Variants in FCRLB observed in about 807,000 individuals in gnomAD.
FCRLB encodes Fc receptor-like B.
A neutral mutation model predicts 33.6 loss-of-function variants in FCRLB; 34 were observed. The ratio of observed to expected loss-of-function variants is 1.01; its 90% CI spans 0.77 to 1.35. FCRLB has a LOEUF of 1.35. FCRLB is among the 40% of genes most tolerant of loss of function. The pLI, the probability that FCRLB is intolerant of heterozygous loss-of-function variation, is 0.00. For missense variants in FCRLB, 560 were observed against 580.2 expected (o/e 0.97, Z 0.36); for synonymous variants, 280 against 255.9 (o/e 1.09, Z -0.90).
chr1:161,726,920 G>C lies in FCRLB; in HGVS notation c.792G>C (p.Ser264=), dbSNP rs752038802. 1.3e-6 allele frequency: 2 copies of C among 1,575,094 alleles called. No homozygotes were observed. The highest frequency in any genetic ancestry group is 1.4e-5 in the African/African-American group (1 of 73,452). ...AGCCCGAGGTCGAGGAGCTCGAATCGTACTGGTGCGAGGCGGCTACCGCCA... is the reference window on the plus strand; with the variant it reads ...AGCCCGAGGTCGAGGAGCTCGAATCCTACTGGTGCGAGGCGGCTACCGCCA... The change falls in exon 7 of 8, where the codon TCG becomes TCC. Residue 264 remains serine, a synonymous_variant. Transcript: ENST00000367948. The surrounding 1 kb of genome is among the most constrained non-coding windows in gnomAD (Gnocchi z 5.2).
chr1:161,722,860 G>A (rs1472250941), intron 3 of FCRLB, 129 bp from the exon 4 acceptor site: 3 of 1,494,308 alleles, frequency 2.0e-6, no homozygotes, highest in African/African-American at 2.8e-5. Flanking sequence ...CTCAGAGCTT[G>A]GGAAACCAGG....
At chr1:161,723,671 A>G (rs1683449647) in intron 5 of FCRLB, 50 bp downstream of exon 5, 1 of 1,584,290 alleles carries the variant, frequency 6.3e-7, no homozygotes. Flanking sequence ...TCCTCTGGCA[A>G]TACTAGTCCT....
chr1:161,727,349 G>C (rs750635850), exon 8 of FCRLB: 21 of 1,613,652 alleles, frequency 1.3e-5, no homozygotes, highest in African/African-American at 4.0e-5. Flanking sequence ...CCGGTGTCCA[G>C]ATCGGTCCCG....
chr1:161,727,349 G>A (rs750635850), exon 8 of FCRLB: 3 of 1,613,770 alleles, frequency 1.9e-6, no homozygotes, highest in Non-Finnish European at 2.5e-6. Flanking sequence ...CCGGTGTCCA[G>A]ATCGGTCCCG....
chr1:161,722,904 C>T, intron 3 of FCRLB, 85 bp from the exon 4 acceptor site: 1 of 1,586,934 alleles, frequency 6.3e-7, no homozygotes, highest in Non-Finnish European at 8.6e-7. Flanking sequence ...TGGGACCATT[C>T]AGCCTTTCTT....
intron 4 of FCRLB, 23 bp from the exon 5 acceptor site, chr1:161,723,342 CCT>C (rs759613888): frequency 3.7e-6 from 6 of 1,610,098 alleles, no homozygotes; most frequent in Admixed American, 1.7e-5. Context: ...CATGCTGCCC[CCT>C]CTCACCCCAC....
At chr1:161,727,208 C>A (rs1875763) in intron 7 of FCRLB, 39 bp from the exon 8 acceptor site, 1 of 1,538,876 alleles carries the variant, frequency 6.5e-7, no homozygotes, top group Non-Finnish European at 8.8e-7. Context: ...CGAGAAGAAC[C>A]ATGCAAGCCG....
exon 5 of FCRLB, chr1:161,723,373 T>G (rs1377259631): frequency 1.2e-6 from 2 of 1,613,948 alleles, no homozygotes; most frequent in East Asian, 4.5e-5. Context: ...CCAGCTACTC[T>G]GGAGAAGCCC....
In FCRLB at chr1:161,727,160, C is replaced by G. The variant is rs1178512045; in HGVS notation, c.866-87C>G. 1.2e-5 allele frequency: 17 copies of G among 1,411,278 alleles called. No individual in the cohort carries two copies. The South Asian group carries it at 2.3e-4, about 19-fold the overall frequency. The allele number at this position is 1,411,278 out of a possible 1,614,324, so 87.4% of individuals were successfully genotyped here. A position where few individuals can be genotyped will look rare whatever the true frequency, so the allele number is the denominator to read the frequency against. On this transcript the variant is annotated intron_variant, in intron 7 of 7. Coordinates refer to ENST00000367948, the Ensembl canonical transcript of FCRLB. ...CACCCCTCTTCCGGCCTTCCCCATC[C>G]CCGCCCACCGCCCTACGCCCCTCCC...
chr1:161,723,723 A>T (rs1211311518), intron 5 of FCRLB, 102 bp downstream of exon 5: 4 of 1,505,162 alleles, frequency 2.7e-6, no homozygotes, highest in Non-Finnish European at 3.6e-6. Flanking sequence ...GGTGCAGGAA[A>T]CAAGGGCCAC....
chr1:161,727,225 A>G, intron 7 of FCRLB, 22 bp from the exon 8 acceptor site: 5 of 1,551,538 alleles, frequency 3.2e-6, no homozygotes, highest in Non-Finnish European at 3.5e-6. Flanking sequence ...GCCGCGCGTG[A>G]CTGGGCGTAA....
intron 3 of FCRLB, 43 bp from the exon 4 acceptor site, chr1:161,722,946 A>G (rs1384066202): frequency 2.5e-6 from 4 of 1,611,808 alleles, no homozygotes; most frequent in African/African-American, 1.3e-5. Context: ...CTCATCGCCA[A>G]TATTCTCCTT....
chr1:161,722,998 G>A, exon 4 of FCRLB: 3 of 1,613,798 alleles, frequency 1.9e-6, no homozygotes, highest in Non-Finnish European at 2.5e-6. Context: ...GTTCCAAGCA[G>A]TGGGCAAGCT....
rs749799385 is a variant in FCRLB at position 161,726,214 on chromosome 1, A to G, written c.574+127A>G. On this transcript the variant is annotated intron_variant, in intron 6 of 7. Coordinates refer to ENST00000367948, the Ensembl canonical transcript of FCRLB. This position sits in a 1 kb window ranked among gnomAD's most constrained non-coding sequence, Gnocchi z 5.2. ...CCACTTGGAGGGTTTCTCTTAGACTATGGACGCTGTCTCCTCTCCTTTGCC... is the reference window on the plus strand; with the variant it reads ...CCACTTGGAGGGTTTCTCTTAGACTGTGGACGCTGTCTCCTCTCCTTTGCC... The G allele has an allele frequency of 4.1e-5, 59 of 1,443,574 alleles. No homozygotes were observed. In the East Asian group the frequency reaches 1.0e-3, roughly 25 times the overall value. 89.4% of individuals were successfully genotyped at this position (1,443,574 alleles called of 1,614,324 possible). A position where few individuals can be genotyped will look rare whatever the true frequency, so the allele number is the denominator to read the frequency against.
Position 161,726,169 on chromosome 1 carries a change from G to A in FCRLB, c.574+82G>A. The A allele has an allele frequency of 6.2e-7, 1 of 1,604,810 alleles. No individual in the cohort carries two copies. The highest frequency in any genetic ancestry group is 8.5e-7 in the Non-Finnish European group (1 of 1,175,108). ...ACAGGAGCTCGGCGAGAAAAGAAGG[G>A]GCGGAAGTTCAAATAGCTGCCACTT... On this transcript the variant is annotated intron_variant, in intron 6 of 7. Transcript: ENST00000367948. The surrounding 1 kb of genome is among the most constrained non-coding windows in gnomAD (Gnocchi z 5.2).
chr1:161,726,178 T>G lies in FCRLB; in HGVS notation c.574+91T>G. The stretch of plus-strand genomic sequence containing the variant: ...CGGCGAGAAAAGAAGGGGCGGAAGT[T>G]CAAATAGCTGCCACTTGGAGGGTTT... On this transcript the variant is annotated intron_variant, in intron 6 of 7. Coordinates refer to ENST00000367948, the Ensembl canonical transcript of FCRLB. The surrounding 1 kb of genome is among the most constrained non-coding windows in gnomAD (Gnocchi z 5.2). 6.3e-7 allele frequency: 1 copy of G among 1,591,430 alleles called. No individual in the cohort carries two copies. Among genetic ancestry groups the G allele is most frequent in the Non-Finnish European group, 8.6e-7 (1 of 1,165,286 alleles).
At position 161,727,431 on chromosome 1, in the gene FCRLB, G is replaced by A. The variant is rs767631255; in HGVS notation, c.1050G>A (p.Gly350=). 19 of 1,611,450 alleles carry A rather than the reference G, an allele frequency of 1.2e-5. No individual in the cohort carries two copies. In the Admixed American group the frequency reaches 3.0e-4, roughly 26 times the overall value. The change falls in exon 8 of 8, where the codon GGG becomes GGA. Residue 350 remains glycine (G), a synonymous_variant. Transcript: ENST00000367948. ...CGGCGAGCGGCGCCCCGACTGCGGG[G>A]CCACCCGCCTGCGCTCCGCCGACGC...
At position 161,722,907 on chromosome 1, in the gene FCRLB, C is replaced by T. The variant is rs1290678005; in HGVS notation, c.32-82C>T. 6 of 1,588,408 alleles carry T rather than the reference C, an allele frequency of 3.8e-6. No homozygotes were observed. The Admixed American group carries it at 6.7e-5, about 18-fold the overall frequency. On this transcript the variant is annotated intron_variant, in intron 3 of 7. Coordinates refer to ENST00000367948, the Ensembl canonical transcript of FCRLB. ...AAAAACAGGTTTTGGGACCATTCAG[C>T]CTTTCTTGTCGTCAAGAGTCTCTCT...
chr1:161,727,194 G>C lies in FCRLB; in HGVS notation c.866-53G>C, dbSNP rs569887057. 4.1e-4 allele frequency: 548 copies of C among 1,323,156 alleles called. No homozygotes were observed. The African/African-American group carries it at 7.8e-3, about 19-fold the overall frequency. 82.0% of individuals were successfully genotyped at this position (1,323,156 alleles called of 1,614,324 possible). Reference sequence around the variant, plus strand: ...CGCCCTACGCCCCTCCCCCAGCCCAGCGCCGAGAAGAACCATGCAAGCCGC... The same window carrying C: ...CGCCCTACGCCCCTCCCCCAGCCCACCGCCGAGAAGAACCATGCAAGCCGC... On this transcript the variant is annotated intron_variant, in intron 7 of 7. Coordinates refer to ENST00000367948, the Ensembl canonical transcript of FCRLB.
Sources: gnomAD v4.1 joint callset for allele counts on GRCh38, gnomAD v4.1.1 for gene constraint, Gnocchi (gnomAD v3.1) non-coding constraint, MANE v1.5 for transcripts, NCBI Gene and HGNC (gene_info 2026-07-23, HGNC 2026-07-21) for gene names.